Variants in GRIN3A observed in about 807,000 individuals in gnomAD.
GRIN3A encodes glutamate receptor ionotropic, NMDA 3A.
A neutral mutation model predicts 92.4 loss-of-function variants in GRIN3A; 47 were observed. That is an observed-to-expected ratio of 0.51 (90% CI 0.40 to 0.65). GRIN3A has a LOEUF of 0.65. GRIN3A is among the 30% of genes least tolerant of loss of function. The pLI is 0.00. For missense variants in GRIN3A, 1,324 were observed against 1,393.1 expected (o/e 0.95, Z 0.79); for synonymous variants, 527 against 540.6 (o/e 0.97, Z 0.35).
At chr9:101,611,376 C>G (rs1015381298) in intron 6 of GRIN3A, among the ~76,000 whole-genome samples, 1 of 151,972 alleles carries the variant, frequency 6.6e-6, no homozygotes, top group Non-Finnish European at 1.5e-5. Context: ...ATAAGGATAC[C>G]CATAATTGAA....
chr9:101,690,486 C>T (rs184659579), intron 1 of GRIN3A, among the ~76,000 whole-genome samples: 37 of 152,040 alleles, frequency 2.4e-4, no homozygotes, highest in Non-Finnish European at 4.6e-4. Context: ...GCCATGCACT[C>T]GTAGAATGAA....
At chr9:101,590,223 T>A (rs765527011) in intron 6 of GRIN3A, among the ~76,000 whole-genome samples, 4 of 152,120 alleles carry the variant, frequency 2.6e-5, no homozygotes, top group Admixed American at 6.5e-5. Context: ...TAATTCCTGA[T>A]GATTCATGAT....
Position 101,601,619 on chromosome 9 carries a change from T to G in GRIN3A, c.2766+11757A>C, listed in dbSNP as rs537872129. 1.4e-4 allele frequency among the ~76,000 whole-genome samples: 22 copies of G among 152,280 alleles called. No individual in the cohort carries two copies. The East Asian group carries it at 4.1e-3, about 28-fold the overall frequency. On this transcript the variant is annotated intron_variant, in intron 6 of 8. Coordinates refer to ENST00000361820, the MANE Select transcript of GRIN3A (RefSeq NM_133445.3). ...GTCTGAAATCAAGGAGTTGGCAGGGTCATGCTCCCTTTGAAACCTGTAGGG... is the reference window on the plus strand; with the variant it reads ...GTCTGAAATCAAGGAGTTGGCAGGGGCATGCTCCCTTTGAAACCTGTAGGG...
At chr9:101,654,612 CT>C (rs755896647) in intron 3 of GRIN3A, among the ~76,000 whole-genome samples, 7 of 150,812 alleles carry the variant, frequency 4.6e-5, no homozygotes, top group East Asian at 2.0e-4. Context: ...TTCAAGGTCT[CT>C]TTTTTTTTCC....
intron 3 of GRIN3A, among the ~76,000 whole-genome samples, chr9:101,663,067 T>A (rs570050294): frequency 2.3e-5 from 3 of 131,284 alleles, no homozygotes; most frequent in Admixed American, 7.4e-5. Context: ...CTTTCCAATG[T>A]CATAGTTGAT....
In GRIN3A at chr9:101,670,610, C is replaced by A. The variant is rs758465991; in HGVS notation, c.1802G>T (p.Gly601Val). The change falls in exon 3 of 9, where the codon GGG becomes GTG. Residue 601 changes from glycine to valine, a missense_variant. Coordinates refer to ENST00000361820, the MANE Select transcript of GRIN3A (RefSeq NM_133445.3). ...TTTCCATGCTCCATACTTTCCATCC[C>A]CTACAATATAGAGGTCGAAGTCAAA... ...MNFDFDLYIV[G>V]DGKYGAWKNG... 1 of 1,614,060 alleles carries A rather than the reference C, an allele frequency of 6.2e-7. No individual in the cohort carries two copies.
Position 101,686,981 on chromosome 9 carries a change from G to C in GRIN3A, c.919C>G (p.Leu307Val), listed in dbSNP as rs749644862. Reference protein sequence around the residue: ...ITANLPSTQDLLSFLQIQLES... With the variant: ...ITANLPSTQDVLSFLQIQLES... ...AGCTGGATCTGTAGGAAGCTCAAGAGGTCCTGGGTGGAGGGGAGGTTAGCG... is the reference window on the plus strand; with the variant it reads ...AGCTGGATCTGTAGGAAGCTCAAGACGTCCTGGGTGGAGGGGAGGTTAGCG... The change falls in exon 2 of 9, where the codon CTC (leucine) becomes GTC (valine). Residue 307 changes from leucine (L) to valine (V), a missense_variant. Transcript: ENST00000361820. 2 of 1,614,204 alleles carry C rather than the reference G, an allele frequency of 1.2e-6. No homozygotes were observed. Among genetic ancestry groups the C allele is most frequent in the Admixed American group, 3.3e-5 (2 of 60,026 alleles).
intron 6 of GRIN3A, chr9:101,591,765 A>C (rs1419876779): frequency 6.6e-6 from 1 of 152,210 alleles, no homozygotes; most frequent in Non-Finnish European, 1.5e-5. Context: ...TAGATCTTTC[A>C]AGTGCTAAAT....
chr9:101,722,602 A>G (rs1242762453), intron 1 of GRIN3A, among the ~76,000 whole-genome samples: 1 of 152,238 alleles, frequency 6.6e-6, no homozygotes, highest in Non-Finnish European at 1.5e-5. Context: ...GCCCAAGACC[A>G]TGAGAACATA....
chr9:101,628,430 A>G (rs1564130223), intron 3 of GRIN3A, 29 bp from the exon 4 acceptor site: 1 of 1,602,322 alleles, frequency 6.2e-7, no homozygotes, highest in South Asian at 1.1e-5. Flanking sequence ...AATGGCTTAA[A>G]TAAAAATTAT....
intron 3 of GRIN3A, among the ~76,000 whole-genome samples, chr9:101,638,018 C>T (rs528441443): frequency 3.5e-4 from 54 of 152,280 alleles, no homozygotes; most frequent in African/African-American, 1.2e-3. Flanking sequence ...GTTCAACATG[C>T]ACCCCATCTA....
intron 1 of GRIN3A, among the ~76,000 whole-genome samples, chr9:101,724,188 G>T (rs1420976647): frequency 1.0e-4 from 5 of 50,112 alleles, no homozygotes; most frequent in Admixed American, 4.5e-4. Context: ...GAGGAGGCTC[G>T]GGCCGCACAG....
intron 6 of GRIN3A, among the ~76,000 whole-genome samples, chr9:101,604,161 G>T (rs183025021): frequency 6.6e-6 from 1 of 151,788 alleles, no homozygotes; most frequent in East Asian, 1.9e-4. Flanking sequence ...GGAAGAGAAA[G>T]AAAAGGAAGG....
At chr9:101,608,290 G>A (rs1325085337) in intron 6 of GRIN3A, among the ~76,000 whole-genome samples, 1 of 152,064 alleles carries the variant, frequency 6.6e-6, no homozygotes, top group Non-Finnish European at 1.5e-5. Context: ...TAGCTGACCT[G>A]GAATGTGGGC....
chr9:101,695,634 C>T (rs1829675820), intron 1 of GRIN3A, among the ~76,000 whole-genome samples: 1 of 152,098 alleles, frequency 6.6e-6, no homozygotes, highest in Non-Finnish European at 1.5e-5. Context: ...ATTAAGGAAG[C>T]TTCATCACAT....
At chr9:101,660,244 T>C (rs2118931436) in intron 3 of GRIN3A, among the ~76,000 whole-genome samples, 2 of 152,008 alleles carry the variant, frequency 1.3e-5, no homozygotes, top group Middle Eastern at 3.4e-3. Context: ...ATGGGCATCA[T>C]GGTCTTAGGT....
chr9:101,725,033 T>C (rs936384918), intron 1 of GRIN3A, among the ~76,000 whole-genome samples: 5 of 152,188 alleles, frequency 3.3e-5, no homozygotes, highest in African/African-American at 4.8e-5. Context: ...AATTATACTC[T>C]CAAAATCTAG....
At chr9:101,723,776 G>C (rs530346999) in intron 1 of GRIN3A, among the ~76,000 whole-genome samples, 216 of 152,254 alleles carry the variant, frequency 1.4e-3, no homozygotes, top group African/African-American at 4.8e-3. Flanking sequence ...GTGTCGATTG[G>C]TGCATTCACA....
chr9:101,586,596 T>C (rs1827953660), intron 6 of GRIN3A, among the ~76,000 whole-genome samples: 1 of 152,172 alleles, frequency 6.6e-6, no homozygotes, highest in Non-Finnish European at 1.5e-5. Flanking sequence ...GGATCTACTG[T>C]TGAAACTGGG....
Sources: gnomAD v4.1 joint callset for allele counts (sites outside exome capture counted in the v4.1 genomes callset) on GRCh38, gnomAD v4.1.1 for gene constraint, MANE v1.5 for transcripts, NCBI Gene and HGNC (gene_info 2026-07-23, HGNC 2026-07-21) for gene names.